The following PHF14 variants were observed in gnomAD, a reference collection of about 807,000 sequenced individuals.
PHF14 encodes PHD finger protein 14.
In PHF14, 55 loss-of-function variants were observed where a neutral mutation model predicts 117.9. The ratio of observed to expected loss-of-function variants is 0.47; its 90% CI spans 0.38 to 0.58. PHF14 has a LOEUF of 0.58. PHF14 is among the 20% of genes least tolerant of loss of function. The pLI, the probability that PHF14 is intolerant of heterozygous loss-of-function variation, is 0.00. For synonymous variants in PHF14, 409 were observed against 368.6 expected, an observed-to-expected ratio of 1.11 and a Z score of -1.26; for missense variants, 978 against 1,122.2, an observed-to-expected ratio of 0.87 and a Z score of 1.84.
intron 17 of PHF14, among the ~76,000 whole-genome samples, chr7:11,149,769 A>G (rs1050544646): frequency 2.1e-4 from 32 of 151,826 alleles, no homozygotes; most frequent in Admixed American, 5.3e-4. Flanking sequence ...ATGAATAGAG[A>G]TTCTCACTGA....
At chr7:11,088,418 GCACA>G (rs150354024) in intron 16 of PHF14, among the ~76,000 whole-genome samples, 6 of 150,672 alleles carry the variant, frequency 4.0e-5, no homozygotes, top group Non-Finnish European at 5.9e-5. Context: ...ACACACACAC[GCACA>G]CACACACACA....
chr7:11,003,414 GC>G (rs1357781484), intron 4 of PHF14, among the ~76,000 whole-genome samples: 1 of 152,092 alleles, frequency 6.6e-6, no homozygotes, highest in African/African-American at 2.4e-5. Context: ...TAGGTGTTAA[GC>G]CAGTGTTTAC....
At chr7:11,020,938 C>G (rs1465406827) in intron 5 of PHF14, among the ~76,000 whole-genome samples, 1 of 152,136 alleles carries the variant, frequency 6.6e-6, no homozygotes, top group African/African-American at 2.4e-5. Context: ...CTTTATGGTG[C>G]TCTGTGCCTA....
At chr7:11,086,359 C>T (rs575830487) in intron 16 of PHF14, among the ~76,000 whole-genome samples, 170 of 152,214 alleles carry the variant, frequency 1.1e-3, no homozygotes, top group Non-Finnish European at 3.1e-4. Flanking sequence ...TTTAGATCAT[C>T]GCAGGTCATT....
At chr7:11,020,895 A>G (rs1483679836) in intron 5 of PHF14, among the ~76,000 whole-genome samples, 1 of 152,146 alleles carries the variant, frequency 6.6e-6, no homozygotes, top group Non-Finnish European at 1.5e-5. Context: ...TGCTGTAAGC[A>G]CTTCACATAC....
chr7:11,006,256 T>G (rs1190386395), intron 4 of PHF14: 2 of 363,470 alleles, frequency 5.5e-6, no homozygotes, highest in East Asian at 6.9e-5. Context: ...ATTCACCTTA[T>G]TAAGAATGAA....
intron 16 of PHF14, chr7:11,063,277 A>C: frequency 1.0e-6 from 1 of 984,848 alleles, no homozygotes; most frequent in Non-Finnish European, 1.2e-6. Flanking sequence ...AGTTTATTAA[A>C]ATTTAGGGTA....
chr7:11,078,579 A>G (rs765976413), intron 16 of PHF14, among the ~76,000 whole-genome samples: 2 of 152,158 alleles, frequency 1.3e-5, no homozygotes, highest in African/African-American at 2.4e-5. Flanking sequence ...AGAAGTTAAG[A>G]AGAGAAAGAA....
intron 17 of PHF14, among the ~76,000 whole-genome samples, chr7:11,112,899 G>A (rs978583413): frequency 3.3e-5 from 5 of 151,842 alleles, no homozygotes; most frequent in Non-Finnish European, 7.4e-5. Flanking sequence ...TATTTTCCAG[G>A]CATTTTATTA....
intron 3 of PHF14, among the ~76,000 whole-genome samples, chr7:10,986,077 T>TC (rs1782217963): frequency 6.6e-6 from 1 of 152,086 alleles, no homozygotes. Context: ...CAGGCAATTC[T>TC]CCCACCTCAG....
intron 17 of PHF14, among the ~76,000 whole-genome samples, chr7:11,149,723 T>G (rs79433407): frequency 0.052 from 7,867 of 152,238 alleles, 265 homozygotes; most frequent in Non-Finnish European, 0.082. Context: ...ATCTGTAGTT[T>G]TATTTTTTGT....
At chr7:11,031,070 G>T (rs1028145915) in intron 7 of PHF14, among the ~76,000 whole-genome samples, 3 of 151,994 alleles carry the variant, frequency 2.0e-5, no homozygotes, top group African/African-American at 7.2e-5. Flanking sequence ...ATAGATCTAT[G>T]TTTGTGAGCA....
At chr7:11,031,046 C>A (rs1784105897) in intron 7 of PHF14, among the ~76,000 whole-genome samples, 2 of 152,150 alleles carry the variant, frequency 1.3e-5, no homozygotes, top group African/African-American at 4.8e-5. Flanking sequence ...TTAAGAAACA[C>A]ATTTTAAACT....
At chr7:11,033,413 C>T (rs995046956) in intron 7 of PHF14, among the ~76,000 whole-genome samples, 2 of 152,120 alleles carry the variant, frequency 1.3e-5, no homozygotes, top group African/African-American at 4.8e-5. Flanking sequence ...GATTCTTCCT[C>T]ATTGGAAGTA....
intron 17 of PHF14, among the ~76,000 whole-genome samples, chr7:11,127,179 C>T (rs181544885): frequency 2.0e-4 from 30 of 151,648 alleles, no homozygotes; most frequent in African/African-American, 7.0e-4. Context: ...CAGCTCAGAC[C>T]TCCTTTAAAC....
At chr7:11,074,550 C>T (rs1583438669) in intron 16 of PHF14, among the ~76,000 whole-genome samples, 1 of 152,130 alleles carries the variant, frequency 6.6e-6, no homozygotes, top group Non-Finnish European at 1.5e-5. Context: ...GCTCCTGTAT[C>T]GATTCATAGG....
chr7:10,988,015 T>C (rs59779799), intron 3 of PHF14, among the ~76,000 whole-genome samples: 19,640 of 65,330 alleles, frequency 0.3, 1,692 homozygotes, highest in African/African-American at 0.4. Context: ...AAACTCCTTC[T>C]CAAAAAAAAA....
At chr7:11,166,791 A>G (rs911737724) in intron 17 of PHF14, among the ~76,000 whole-genome samples, 5 of 152,302 alleles carry the variant, frequency 3.3e-5, no homozygotes, top group African/African-American at 1.2e-4. Flanking sequence ...GTGACTTAAC[A>G]GCATAAAAGG....
chr7:11,124,684 A>C (rs1386949731), intron 17 of PHF14, among the ~76,000 whole-genome samples: 5 of 152,118 alleles, frequency 3.3e-5, no homozygotes, highest in Non-Finnish European at 7.4e-5. Context: ...TATAACAGTA[A>C]TTCAAACCCA....
Sources: gnomAD v4.1 joint callset for allele counts (sites outside exome capture counted in the v4.1 genomes callset) on GRCh38, gnomAD v4.1.1 for gene constraint, MANE v1.5 for transcripts, NCBI Gene and HGNC (gene_info 2026-07-23, HGNC 2026-07-21) for gene names.